PCDHGA6: variants seen among roughly 807,000 people sequenced by gnomAD.
The protein encoded by PCDHGA6 is protocadherin gamma subfamily A, 6.
PCDHGA6 carries 41 observed loss-of-function variants against 60.6 expected under a neutral mutation model. The ratio of observed to expected loss-of-function variants is 0.68; its 90% CI spans 0.53 to 0.88. The LOEUF is 0.88. Among genes scored for constraint, PCDHGA6 ranks in the 40% least tolerant of loss-of-function variants. PCDHGA6 has a pLI of 0.00. For synonymous variants in PCDHGA6, 594 were observed against 524.4 expected, an observed-to-expected ratio of 1.13 and a Z score of -1.81; for missense variants, 1,312 against 1,203.0, an observed-to-expected ratio of 1.09 and a Z score of -1.34.
At position 141,432,325 on chromosome 5, in the gene PCDHGA6, C is replaced by T. The variant is rs752180978; in HGVS notation, c.2424+55818C>T. ...TGTATGCGCTGAGCTCCTTCGACTACGAGCAGTTCCGAGACTTGCAAGTGA... is the reference window on the plus strand; with the variant it reads ...TGTATGCGCTGAGCTCCTTCGACTATGAGCAGTTCCGAGACTTGCAAGTGA... On this transcript the variant is annotated intron_variant, in intron 1 of 3. Coordinates refer to ENST00000517434, the MANE Select transcript of PCDHGA6 (RefSeq NM_018919.3). The surrounding 1 kb of genome is among the most constrained non-coding windows in gnomAD (Gnocchi z 6.0). 68 of 1,614,142 alleles carry T rather than the reference C, an allele frequency of 4.2e-5. No individual in the cohort carries two copies. Among genetic ancestry groups the T allele is most frequent in the Non-Finnish European group, 5.2e-5 (61 of 1,180,050 alleles).
intron 1 of PCDHGA6, among the ~76,000 whole-genome samples, chr5:141,456,499 A>C (rs1283501704): frequency 6.6e-6 from 1 of 152,210 alleles, no homozygotes; most frequent in Non-Finnish European, 1.5e-5. Flanking sequence ...AAAGGGGTTA[A>C]CCAATTCCAT....
intron 1 of PCDHGA6, chr5:141,422,609 A>G: frequency 6.2e-7 from 1 of 1,613,882 alleles, no homozygotes; most frequent in Non-Finnish European, 8.5e-7. Context: ...TACTCTGCCT[A>G]CATTCCCGAA....
chr5:141,384,719 T>A (rs758469916), intron 1 of PCDHGA6: 1 of 1,614,100 alleles, frequency 6.2e-7, no homozygotes, highest in Non-Finnish European at 8.5e-7. Context: ...CTGTCATACC[T>A]CCTGCTTAAG....
intron 1 of PCDHGA6, among the ~76,000 whole-genome samples, chr5:141,407,680 C>A (rs2094967585): frequency 6.6e-6 from 1 of 151,942 alleles, no homozygotes; most frequent in Non-Finnish European, 1.5e-5. Flanking sequence ...CAAAGATTGG[C>A]TTTGTGGTGA....
At chr5:141,414,151 G>T in intron 1 of PCDHGA6, 2 of 1,600,336 alleles carry the variant, frequency 1.2e-6, no homozygotes, top group East Asian at 2.3e-5. Flanking sequence ...AATACAAGCA[G>T]AAGATGGAGG....
At position 141,432,379 on chromosome 5, in the gene PCDHGA6, G is replaced by A; in HGVS notation, c.2424+55872G>A. On this transcript the variant is annotated intron_variant, in intron 1 of 3. Transcript: ENST00000517434. The surrounding 1 kb of genome is among the most constrained non-coding windows in gnomAD (Gnocchi z 6.0). ...TGATGGCGCGGGACAACGGGCACCC[G>A]CCCCTCAGCAGCAACGTGTCGTTGA... 1.2e-6 allele frequency: 2 copies of A among 1,614,208 alleles called. No homozygotes were observed. The highest frequency in any genetic ancestry group is 1.7e-6 in the Non-Finnish European group (2 of 1,180,038).
chr5:141,454,675 G>A (rs973403044), intron 1 of PCDHGA6, among the ~76,000 whole-genome samples: 8 of 151,764 alleles, frequency 5.3e-5, no homozygotes, highest in Non-Finnish European at 1.0e-4. Context: ...CAAAACACTG[G>A]GATTACAGGC....
At chr5:141,466,974 C>G (rs1314224956) in intron 1 of PCDHGA6, among the ~76,000 whole-genome samples, 1 of 151,944 alleles carries the variant, frequency 6.6e-6, no homozygotes, top group Non-Finnish European at 1.5e-5. Context: ...TCTCACAGCT[C>G]ATCATTTACC....
chr5:141,415,128 G>C (rs376477668), intron 1 of PCDHGA6: 33 of 1,613,528 alleles, frequency 2.0e-5, no homozygotes, highest in Admixed American at 5.0e-5. Context: ...TGGCCGTCCA[G>C]GACCACGGCC....
At chr5:141,425,047 A>G (rs1590618154) in intron 1 of PCDHGA6, among the ~76,000 whole-genome samples, 1 of 152,198 alleles carries the variant, frequency 6.6e-6, no homozygotes, top group Non-Finnish European at 1.5e-5. Context: ...TAAACTGACT[A>G]TCTAGGGCTC....
chr5:141,508,928 G>A (rs1475005703), intron 3 of PCDHGA6, among the ~76,000 whole-genome samples: 1 of 152,076 alleles, frequency 6.6e-6, no homozygotes, highest in East Asian at 1.9e-4. Flanking sequence ...TCCTTTTGGA[G>A]TTAATTAGGG....
At chr5:141,387,369 G>A (rs2090919487) in intron 1 of PCDHGA6, among the ~76,000 whole-genome samples, 1 of 152,148 alleles carries the variant, frequency 6.6e-6, no homozygotes, top group African/African-American at 2.4e-5. Context: ...CTGTGTTATG[G>A]CTATCTTTAT....
intron 1 of PCDHGA6, chr5:141,384,511 G>A (rs1780163912): frequency 6.2e-7 from 1 of 1,614,188 alleles, no homozygotes; most frequent in Non-Finnish European, 8.5e-7. Flanking sequence ...ACATGACAGC[G>A]GGGACCCGCC....
chr5:141,494,778 C>CA, intron 1 of PCDHGA6, 29 bp from the exon 2 acceptor site: 1 of 1,614,086 alleles, frequency 6.2e-7, no homozygotes, highest in Non-Finnish European at 8.5e-7. Context: ...CACGGGTACT[C>CA]AGCCCCTTTC....
chr5:141,395,542 T>TTGTTTG lies in PCDHGA6; in HGVS notation c.2424+19038_2424+19039insTTGTGT, dbSNP rs1267535064. On this transcript the variant is annotated intron_variant, in intron 1 of 3. Coordinates refer to ENST00000517434, the MANE Select transcript of PCDHGA6 (RefSeq NM_018919.3). ...TCCATACTGGTAATTTTGCTATTGTTTGTGTGTGTGTGTGTGTGTGTGTGT... is the reference window on the plus strand; with the variant it reads ...TCCATACTGGTAATTTTGCTATTGTTTGTTTGTGTGTGTGTGTGTGTGTGTGTGTGT... 2.4e-3 allele frequency: 418 copies of TTGTTTG among 172,622 alleles called. 4 individuals carry two copies. The highest frequency in any genetic ancestry group is 0.019 in the African/African-American group (326 of 17,544). The allele number at this position is 172,622 out of a possible 1,614,324, so 10.7% of individuals were successfully genotyped here.
intron 1 of PCDHGA6, chr5:141,397,868 A>T (rs1331188362): frequency 1.4e-5 from 8 of 573,128 alleles, no homozygotes; most frequent in Non-Finnish European, 2.1e-5. Context: ...CCTAGTGCTG[A>T]CTCTGGGCGC....
rs766852982 is a variant in PCDHGA6, at chr5:141,486,907, A to G, written c.2425-7900A>G. ...CCCGGCCTGGTTCCTTATGTCCCCA[A>G]GCACTGCCTCCATCAGTTGGTGCTG... On this transcript the variant is annotated intron_variant, in intron 1 of 3. Coordinates refer to ENST00000517434, the MANE Select transcript of PCDHGA6 (RefSeq NM_018919.3). The surrounding 1 kb of genome is among the most constrained non-coding windows in gnomAD (Gnocchi z 5.0). 6.2e-5 allele frequency: 100 copies of G among 1,614,122 alleles called. No homozygotes were observed. The highest frequency in any genetic ancestry group is 8.0e-5 in the Non-Finnish European group (94 of 1,180,056).
At position 141,375,341 on chromosome 5, in the gene PCDHGA6, A is replaced by C. The variant is rs1378038175; in HGVS notation, c.1258A>C (p.Ile420Leu). ...CCGGGAAGAGGTATTCTTGTACAAC[A>C]TCACTGTGACAGCCACGGACAAAGG... ...LDREEVFLYN[I>L]TVTATDKGTP... is the part of the protein sequence containing the mutation. The change falls in exon 1 of 4, where the codon ATC becomes CTC. Residue 420 changes from isoleucine to leucine, a missense_variant. Physicochemically the swap from Ile to Leu is conservative, Grantham distance 5. Transcript: ENST00000517434. 4.3e-6 allele frequency: 7 copies of C among 1,613,856 alleles called. No individual in the cohort carries two copies. Among genetic ancestry groups the C allele is most frequent in the South Asian group, 2.2e-5 (2 of 91,080 alleles).
intron 1 of PCDHGA6, chr5:141,419,579 C>A: frequency 6.2e-7 from 1 of 1,611,812 alleles, no homozygotes; most frequent in Non-Finnish European, 8.5e-7. Flanking sequence ...CGGCTCCGCG[C>A]TCTTCGACAC....
Sources: allele counts gnomAD v4.1 joint callset (sites outside exome capture counted in the v4.1 genomes callset), GRCh38; gene constraint gnomAD v4.1.1; non-coding constraint Gnocchi (gnomAD v3.1); transcripts MANE v1.5; gene names NCBI Gene and HGNC (gene_info 2026-07-23, HGNC 2026-07-21).